CNBD1: variants seen among roughly 807,000 people sequenced by gnomAD.
CNBD1 encodes cyclic nucleotide-binding domain-containing protein 1.
Under a neutral mutation model 54.4 loss-of-function variants are expected in CNBD1, and 71 were observed. That is an observed-to-expected ratio of 1.30 (90% CI 1.08 to 1.59). CNBD1 has a LOEUF of 1.59. Ranked by LOEUF, CNBD1 falls within the 40% of genes most tolerant of loss-of-function variation. The pLI, the probability that CNBD1 is intolerant of heterozygous loss-of-function variation, is 0.00. For synonymous variants in CNBD1, 182 were observed against 170.7 expected, an observed-to-expected ratio of 1.07 and a Z score of -0.51; for missense variants, 659 against 518.0, an observed-to-expected ratio of 1.27 and a Z score of -2.64.
At chr8:87,230,447 A>G (rs1257091393) in intron 5 of CNBD1, among the ~76,000 whole-genome samples, 1 of 152,176 alleles carries the variant, frequency 6.6e-6, no homozygotes, top group East Asian at 1.9e-4. Context: ...CACTACTTAA[A>G]TATGCACGTA....
chr8:87,405,535 G>A (rs1468940134), intron 2 of CNBD1, among the ~76,000 whole-genome samples: 2 of 151,962 alleles, frequency 1.3e-5, no homozygotes, highest in African/African-American at 4.8e-5. Flanking sequence ...ATTCGTAAGT[G>A]GTTTATTACT....
intron 1 of CNBD1, among the ~76,000 whole-genome samples, chr8:86,880,518 C>G (rs1296177142): frequency 1.3e-5 from 2 of 152,012 alleles, no homozygotes; most frequent in African/African-American, 2.4e-5. Context: ...ATATGAAAGA[C>G]TTGAGCATCT....
At chr8:87,253,059 G>C (rs897174783) in intron 6 of CNBD1, among the ~76,000 whole-genome samples, 1 of 152,152 alleles carries the variant, frequency 6.6e-6, no homozygotes, top group Admixed American at 6.5e-5. Flanking sequence ...AGAGAAAGGA[G>C]AGAAGAGAAA....
chr8:86,956,480 ATTTG>A (rs1266510247), intron 4 of CNBD1, among the ~76,000 whole-genome samples: 6 of 152,068 alleles, frequency 3.9e-5, no homozygotes, highest in Admixed American at 2.0e-4. Context: ...ATGTTCTTCT[ATTTG>A]TTTGTGTCCT....
At chr8:87,086,088 A>C (rs73693018) in intron 4 of CNBD1, among the ~76,000 whole-genome samples, 1 of 152,174 alleles carries the variant, frequency 6.6e-6, no homozygotes, top group Admixed American at 6.5e-5. Context: ...CTCTCATCTA[A>C]GTTCCTGGTG....
chr8:86,973,867 G>T (rs1255862032), intron 4 of CNBD1, among the ~76,000 whole-genome samples: 1 of 152,086 alleles, frequency 6.6e-6, no homozygotes. Context: ...GCAGTAATTT[G>T]CTGATTTCGG....
At chr8:87,139,652 T>A (rs1812332230) in intron 4 of CNBD1, among the ~76,000 whole-genome samples, 1 of 152,014 alleles carries the variant, frequency 6.6e-6, no homozygotes, top group African/African-American at 2.4e-5. Context: ...CTTGAAGGTG[T>A]CTCATGGTAG....
intron 4 of CNBD1, among the ~76,000 whole-genome samples, chr8:87,082,901 T>G (rs1055598477): frequency 2.0e-5 from 3 of 152,214 alleles, no homozygotes; most frequent in African/African-American, 7.2e-5. Context: ...TTATTAAATC[T>G]TTACAAAAAC....
intron 2 of CNBD1, among the ~76,000 whole-genome samples, chr8:86,893,458 C>T (rs1358183941): frequency 2.0e-5 from 3 of 152,144 alleles, no homozygotes; most frequent in Admixed American, 6.5e-5. Flanking sequence ...TTCCCTTCCC[C>T]TTAAGGAACA....
intron 3 of CNBD1, among the ~76,000 whole-genome samples, chr8:86,928,401 C>T (rs1356661680): frequency 2.0e-5 from 3 of 152,100 alleles, no homozygotes; most frequent in Non-Finnish European, 2.9e-5. Context: ...CATTTACCTC[C>T]TTGACCTTCC....
At chr8:87,228,784 A>C (rs952610100) in intron 5 of CNBD1, among the ~76,000 whole-genome samples, 2 of 152,020 alleles carry the variant, frequency 1.3e-5, no homozygotes, top group Non-Finnish European at 2.9e-5. Context: ...TCGAGCTTCC[A>C]GGCTGTGTTG....
intron 8 of CNBD1, among the ~76,000 whole-genome samples, chr8:87,332,151 C>T (rs1255135620): frequency 1.3e-5 from 2 of 152,098 alleles, no homozygotes. Flanking sequence ...AGTTCGAGAT[C>T]AGCCTGGCCA....
intron 10 of CNBD1, among the ~76,000 whole-genome samples, chr8:87,364,235 GTA>G (rs140102811): frequency 0.019 from 2,830 of 151,104 alleles, 88 homozygotes; most frequent in African/African-American, 0.062. Context: ...CTATATATAT[GTA>G]TATATATTCA....
At chr8:87,278,915 T>C (rs984566480) in intron 6 of CNBD1, among the ~76,000 whole-genome samples, 1 of 151,486 alleles carries the variant, frequency 6.6e-6, no homozygotes, top group African/African-American at 2.4e-5. Flanking sequence ...GAAAAGGTAA[T>C]ATAGCACTTC....
At chr8:87,243,210 G>T (rs1401038585) in intron 6 of CNBD1, among the ~76,000 whole-genome samples, 1 of 152,182 alleles carries the variant, frequency 6.6e-6, no homozygotes, top group Non-Finnish European at 1.5e-5. Flanking sequence ...AATTCAGAAG[G>T]CATTGATAAA....
chr8:87,423,993 G>C (rs1807994334), intron 2 of CNBD1, among the ~76,000 whole-genome samples: 1 of 152,114 alleles, frequency 6.6e-6, no homozygotes, highest in South Asian at 2.1e-4. Flanking sequence ...CTTCTTCCTG[G>C]TTTAGTCTTG....
chr8:87,408,023 G>T (rs1807679312), intron 2 of CNBD1, among the ~76,000 whole-genome samples: 2 of 151,548 alleles, frequency 1.3e-5, no homozygotes, highest in South Asian at 4.1e-4. Flanking sequence ...TATCTTTTTT[G>T]TCCTTTTAGA....
intron 10 of CNBD1, among the ~76,000 whole-genome samples, chr8:87,371,192 G>A (rs1810782986): frequency 6.6e-6 from 1 of 151,962 alleles, no homozygotes; most frequent in Admixed American, 6.6e-5. Context: ...TTCGGCTTAG[G>A]ATTGACTGGG....
rs180993804 is a variant in CNBD1, at chr8:86,866,417, T to C, written c.-79T>C. On this transcript the variant is annotated 5_prime_UTR_variant, in exon 1 of 11. Transcript: ENST00000518476. ...ATCAGAGAGGACCTTGAAGTTCTGCTTTATGAGCCTGCAGGCAAAGAGTGA... is the reference window on the plus strand; with the variant it reads ...ATCAGAGAGGACCTTGAAGTTCTGCCTTATGAGCCTGCAGGCAAAGAGTGA... The C allele has an allele frequency of 9.5e-5, 94 of 992,570 alleles. No homozygotes were observed. The East Asian group carries it at 2.3e-3, about 24-fold the overall frequency. 61.5% of individuals were successfully genotyped at this position (992,570 alleles called of 1,614,324 possible).
Sources: allele counts gnomAD v4.1 joint callset (sites outside exome capture counted in the v4.1 genomes callset), GRCh38; gene constraint gnomAD v4.1.1; transcripts MANE v1.5; gene names NCBI Gene and HGNC (gene_info 2026-07-23, HGNC 2026-07-21).